The following BTBD2 variants were observed in gnomAD, a reference collection of about 807,000 sequenced individuals.
BTBD2 encodes BTB/POZ domain-containing protein 2.
BTBD2 carries 15 observed loss-of-function variants against 44.0 expected under a neutral mutation model. The observed-to-expected ratio is 0.34, with a 90% CI of 0.23 to 0.53. BTBD2 has a LOEUF of 0.53. BTBD2 is among the 20% of genes least tolerant of loss of function. BTBD2 has a pLI of 0.95. For missense variants in BTBD2, 657 were observed against 746.4 expected, an observed-to-expected ratio of 0.88 and a Z score of 1.39; for synonymous variants, 443 against 335.9, an observed-to-expected ratio of 1.32 and a Z score of -3.49.
At chr19:1,999,360 G>A (rs1048631762) in intron 1 of BTBD2, among the ~76,000 whole-genome samples, 2 of 152,198 alleles carry the variant, frequency 1.3e-5, no homozygotes, top group African/African-American at 4.8e-5. Flanking sequence ...AACAGTGGCT[G>A]GTGTTTTTGG....
intron 1 of BTBD2, among the ~76,000 whole-genome samples, chr19:1,997,831 C>T (rs375099109): frequency 3.3e-5 from 5 of 152,260 alleles, no homozygotes; most frequent in African/African-American, 9.6e-5. Context: ...TTCACACATA[C>T]GTTCATTCAT....
In BTBD2 at chr19:1,993,085, C is replaced by T. The variant is rs778473230; in HGVS notation, c.619G>A (p.Ala207Thr). The T allele has an allele frequency of 6.2e-7, 1 of 1,607,970 alleles. No homozygotes were observed. The highest frequency in any genetic ancestry group is 8.5e-7 in the Non-Finnish European group (1 of 1,179,376). Reference sequence around the variant, plus strand: ...TTCTTCAGGAACTCCACGCAATGGGCCTCGAGCGCTGGCACCGCGTACTTC... The same window carrying T: ...TTCTTCAGGAACTCCACGCAATGGGTCTCGAGCGCTGGCACCGCGTACTTC... ...AKKYAVPALE[A>T]HCVEFLKKNL... is the part of the protein sequence containing the mutation. Residue 207 changes from alanine (A) to threonine (T), a missense_variant, in exon 3 of 9, where the codon GCC (alanine) becomes ACC (threonine). By Grantham distance (58) the Ala-to-Thr change is moderately conservative. Coordinates refer to ENST00000255608, the MANE Select transcript of BTBD2 (RefSeq NM_017797.4).
chr19:1,999,814 T>G (rs1474305738), intron 1 of BTBD2, among the ~76,000 whole-genome samples: 4 of 151,394 alleles, frequency 2.6e-5, no homozygotes, highest in South Asian at 2.1e-4. Context: ...ATACAAAAAT[T>G]AGCTGGGCGT....
At chr19:2,006,027 G>A (rs1481554860) in intron 1 of BTBD2, among the ~76,000 whole-genome samples, 1 of 151,586 alleles carries the variant, frequency 6.6e-6, no homozygotes, top group East Asian at 1.9e-4. Context: ...GCTGGAGGCT[G>A]CAGTGAGCTA....
intron 3 of BTBD2, chr19:1,991,746 C>CA (rs2016181842): frequency 6.5e-6 from 1 of 152,736 alleles, no homozygotes; most frequent in African/African-American, 2.4e-5. Flanking sequence ...GGCTCCCAAG[C>CA]GGCCGTCCAC....
At chr19:2,009,202 T>A (rs971104685) in intron 1 of BTBD2, among the ~76,000 whole-genome samples, 13 of 123,384 alleles carry the variant, frequency 1.1e-4, no homozygotes, top group Non-Finnish European at 1.7e-4. Flanking sequence ...TGGTTTTTCT[T>A]TTTTCTTCTT....
intron 3 of BTBD2, among the ~76,000 whole-genome samples, chr19:1,992,505 G>A (rs1184783036): frequency 2.6e-5 from 4 of 152,140 alleles, no homozygotes; most frequent in Admixed American, 1.3e-4. Context: ...CTCCCAAAGT[G>A]CTGGGGTTAC....
rs2016264222 is a variant in BTBD2, at chr19:1,997,324, G to A, written c.527+20C>T. 6.2e-7 allele frequency: 1 copy of A among 1,613,836 alleles called. No individual in the cohort carries two copies. The highest frequency in any genetic ancestry group is 1.3e-5 in the African/African-American group (1 of 74,932). ...CTCCCCAGGCCCAGCTCCCCAGCAGGAAGCATCCGGAAGCATTACTTGAGC... is the reference window on the plus strand; with the variant it reads ...CTCCCCAGGCCCAGCTCCCCAGCAGAAAGCATCCGGAAGCATTACTTGAGC... On this transcript the variant is annotated intron_variant, in intron 2 of 8. Transcript: ENST00000255608.
At chr19:1,999,759 G>C (rs555366022) in intron 1 of BTBD2, among the ~76,000 whole-genome samples, 6 of 151,456 alleles carry the variant, frequency 4.0e-5, no homozygotes, top group Admixed American at 2.6e-4. Flanking sequence ...TCAGGAGTTG[G>C]GAGACCAGCC....
Position 1,993,995 on chromosome 19 carries a change from C to CAA in BTBD2, c.528-821_528-820dup, listed in dbSNP as rs542137742. Among the ~76,000 whole-genome samples, 243 of 24,960 alleles carry CAA rather than the reference C, an allele frequency of 9.7e-3. 40 individuals carry two copies. The highest frequency in any genetic ancestry group is 0.015 in the Non-Finnish European group (210 of 14,116). 16.4% of individuals were successfully genotyped at this position (24,960 alleles called of 152,430 possible). On this transcript the variant is annotated intron_variant, in intron 2 of 8. Transcript: ENST00000255608. ...CTGGAGACAGAGCGAGAATCCGTCT[C>CAA]AAAAAAAAAAAAAAAAAAAAAAAAA...
chr19:1,991,034 G>C, intron 3 of BTBD2: 1 of 533,786 alleles, frequency 1.9e-6, no homozygotes, highest in South Asian at 2.1e-5. Context: ...GAGTTGGGGA[G>C]TTCCCTCTCA....
At chr19:2,007,014 C>T (rs935328153) in intron 1 of BTBD2, among the ~76,000 whole-genome samples, 11 of 152,274 alleles carry the variant, frequency 7.2e-5, no homozygotes, top group South Asian at 2.1e-4. Context: ...CTCGCCACCA[C>T]GCCCGGCTAA....
At chr19:1,990,902 C>T in intron 3 of BTBD2, 80 bp from the exon 4 acceptor site, 2 of 1,291,818 alleles carry the variant, frequency 1.5e-6, no homozygotes, top group South Asian at 1.3e-5. Context: ...GGGGCCGGTT[C>T]AAATGCAGCC....
At chr19:2,000,512 G>A (rs1037847213) in intron 1 of BTBD2, among the ~76,000 whole-genome samples, 3 of 152,184 alleles carry the variant, frequency 2.0e-5, no homozygotes, top group Non-Finnish European at 4.4e-5. Flanking sequence ...ACATGGGCGG[G>A]TCCCCAGGCA....
intron 1 of BTBD2, among the ~76,000 whole-genome samples, chr19:2,008,588 G>A (rs1317968535): frequency 1.7e-5 from 2 of 118,318 alleles, no homozygotes; most frequent in African/African-American, 3.7e-5. Context: ...ACTGTGCCCA[G>A]CTTTTTTTTT....
intron 1 of BTBD2, among the ~76,000 whole-genome samples, chr19:2,010,794 G>A (rs1428644291): frequency 6.6e-6 from 1 of 152,046 alleles, no homozygotes; most frequent in Admixed American, 6.6e-5. Context: ...GCGTGCCACC[G>A]CGCCCAGCTT....
intron 1 of BTBD2, 35 bp downstream of exon 1, chr19:2,015,262 G>T: frequency 6.6e-7 from 1 of 1,522,742 alleles, no homozygotes; most frequent in East Asian, 2.5e-5. Context: ...GGCTGGGTGG[G>T]TCGGGGCCAG....
chr19:1,988,740 T>C (rs1282331865), intron 5 of BTBD2, among the ~76,000 whole-genome samples: 3 of 147,204 alleles, frequency 2.0e-5, no homozygotes, highest in Non-Finnish European at 4.5e-5. Flanking sequence ...CATAGCTGGG[T>C]TTACAGGCAT....
At chr19:2,013,713 G>A (rs2016496295) in intron 1 of BTBD2, 4 of 981,722 alleles carry the variant, frequency 4.1e-6, no homozygotes, top group African/African-American at 1.8e-5. Context: ...CGGGCAGGGG[G>A]TATCCCTGGA....
Sources: gnomAD v4.1 joint callset for allele counts (sites outside exome capture counted in the v4.1 genomes callset) on GRCh38, gnomAD v4.1.1 for gene constraint, MANE v1.5 for transcripts, NCBI Gene and HGNC (gene_info 2026-07-23, HGNC 2026-07-21) for gene names.